The following NLRP12 variants were observed in gnomAD, a reference collection of about 807,000 sequenced individuals.
NLRP12 encodes the protein NACHT, LRR and PYD domains-containing protein 12.
A neutral mutation model predicts 91.2 loss-of-function variants in NLRP12; 108 were observed. The ratio of observed to expected loss-of-function variants is 1.18; its 90% CI spans 1.01 to 1.39. NLRP12 has a LOEUF of 1.39. Among genes scored for constraint, NLRP12 ranks in the 40% most tolerant of loss-of-function variants. The pLI, the probability that NLRP12 is intolerant of heterozygous loss-of-function variation, is 0.00. For missense variants in NLRP12, 1,530 were observed against 1,352.7 expected (o/e 1.13, Z -2.06); for synonymous variants, 613 against 566.7 (o/e 1.08, Z -1.16).
In NLRP12 at chr19:53,809,824, T is replaced by A. The variant is rs762705582; in HGVS notation, c.1835A>T (p.Glu612Val). The change falls in exon 3 of 10, where the codon GAG (glutamate) becomes GTG (valine). Residue 612 changes from glutamate to valine, a missense_variant. By Grantham distance (121) the Glu-to-Val change is moderately radical. Transcript: ENST00000324134. ...GATCTCGTACAAGCAGCTGAAGAAC[T>A]CCAAGGAGCCCTGCTGCAGGGTGGA... The part of the protein sequence containing the change: ...DGSTLQQGSL[E>V]FFSCLYEIQE... 1 of 1,614,094 alleles carries A rather than the reference T, an allele frequency of 6.2e-7. No individual in the cohort carries two copies. The highest frequency in any genetic ancestry group is 1.1e-5 in the South Asian group (1 of 91,084).
chr19:53,818,443 G>T (rs565321336), intron 1 of NLRP12, among the ~76,000 whole-genome samples: 5 of 152,148 alleles, frequency 3.3e-5, no homozygotes, highest in Non-Finnish European at 7.4e-5. Context: ...TGAGGTGGGT[G>T]GATCATGAGG....
At chr19:53,807,372 G>A in intron 4 of NLRP12, 123 bp downstream of exon 4, 1 of 990,128 alleles carries the variant, frequency 1.0e-6, no homozygotes, top group Non-Finnish European at 1.5e-6. Flanking sequence ...CTGGCTTTGT[G>A]ACACTTTTTT....
At chr19:53,811,410 A>G in intron 2 of NLRP12, 122 bp from the exon 3 acceptor site, 2 of 1,126,042 alleles carry the variant, frequency 1.8e-6, no homozygotes, top group South Asian at 2.5e-5. Context: ...GCTACTCAGG[A>G]GGCTGAGATG....
intron 3 of NLRP12, 31 bp from the exon 4 acceptor site, chr19:53,807,696 G>GT (rs1568672250): frequency 3.7e-6 from 6 of 1,612,912 alleles, no homozygotes; most frequent in Non-Finnish European, 5.1e-6. Context: ...CCACTCTCTG[G>GT]TGTTACTGGT....
chr19:53,815,223 G>GTATT (rs1568688519), intron 1 of NLRP12, among the ~76,000 whole-genome samples: 1 of 94,848 alleles, frequency 1.1e-5, no homozygotes, highest in South Asian at 3.7e-4. Flanking sequence ...CATCCAATCA[G>GTATT]TCTTTTTTTT....
At chr19:53,801,187 G>A (rs751133156) in intron 7 of NLRP12, 40 bp downstream of exon 7, 6 of 1,600,580 alleles carry the variant, frequency 3.7e-6, no homozygotes, top group Non-Finnish European at 5.1e-6. Context: ...CTGCGTTCAT[G>A]GATTGGGACT....
At chr19:53,798,556 G>T in intron 7 of NLRP12, 143 bp from the exon 8 acceptor site, 3 of 806,068 alleles carry the variant, frequency 3.7e-6, no homozygotes, top group Non-Finnish European at 6.2e-6. Flanking sequence ...AGAAAAAGAC[G>T]ACAGAAGTAG....
In NLRP12 at chr19:53,806,864, T is replaced by TA. The variant is rs1295399137; in HGVS notation, c.2243+630_2243+631insT. Among the ~76,000 whole-genome samples, 742 of 84,118 alleles carry TA rather than the reference T, an allele frequency of 8.8e-3. 1 individual carries two copies. The highest frequency in any genetic ancestry group is 0.015 in the Non-Finnish European group (529 of 34,794). The allele number at this position is 84,118 out of a possible 152,430, so 55.2% of individuals were successfully genotyped here. A position where few individuals can be genotyped will look rare whatever the true frequency, so the allele number is the denominator to read the frequency against. On this transcript the variant is annotated intron_variant, in intron 4 of 9. Coordinates refer to ENST00000324134, the MANE Select transcript of NLRP12 (RefSeq NM_144687.4). Reference sequence around the variant, plus strand: ...CAGAGCATATCAGTGTCTCAAAAATTTAAAAAAAAAAAAAGTAAAAAAAAG... The same window carrying TA: ...CAGAGCATATCAGTGTCTCAAAAATTATAAAAAAAAAAAAAGTAAAAAAAAG...
chr19:53,814,125 C>G (rs2092121700), intron 2 of NLRP12, among the ~76,000 whole-genome samples: 1 of 152,144 alleles, frequency 6.6e-6, no homozygotes, highest in Admixed American at 6.6e-5. Flanking sequence ...GCCAGCAAAC[C>G]TGATTCTGTT....
intron 1 of NLRP12, among the ~76,000 whole-genome samples, chr19:53,819,588 T>G (rs2092230012): frequency 1.7e-5 from 1 of 57,994 alleles, no homozygotes; most frequent in Non-Finnish European, 3.8e-5. Context: ...TATGTATGTA[T>G]ACGTATATAC....
intron 7 of NLRP12, 85 bp downstream of exon 7, chr19:53,801,142 A>G: frequency 1.6e-6 from 2 of 1,261,256 alleles, no homozygotes; most frequent in Non-Finnish European, 2.3e-6. Flanking sequence ...TTAGGAGCAG[A>G]GACAACCTGG....
At chr19:53,821,202 ATTT>A (rs1167042696) in intron 1 of NLRP12, among the ~76,000 whole-genome samples, 1 of 151,266 alleles carries the variant, frequency 6.6e-6, no homozygotes, top group Non-Finnish European at 1.5e-5. Flanking sequence ...CACCCGGCTA[ATTT>A]TTTTGTATTT....
At chr19:53,803,912 A>G (rs2091913173) in intron 6 of NLRP12, 40 bp downstream of exon 6, 1 of 1,592,444 alleles carries the variant, frequency 6.3e-7, no homozygotes, top group Non-Finnish European at 8.6e-7. Context: ...ATATGAAGAG[A>G]TTTGCCATTT....
At chr19:53,816,470 T>C (rs549261494) in intron 1 of NLRP12, among the ~76,000 whole-genome samples, 1 of 152,178 alleles carries the variant, frequency 6.6e-6, no homozygotes, top group Admixed American at 6.6e-5. Flanking sequence ...CTGTTGTCTT[T>C]CCTCTGTTCA....
At chr19:53,823,264 T>TTA (rs965815791) in intron 1 of NLRP12, among the ~76,000 whole-genome samples, 1 of 140,540 alleles carries the variant, frequency 7.1e-6, no homozygotes, top group African/African-American at 2.6e-5. Flanking sequence ...TATTTATTAT[T>TTA]TATATATATT....
Position 53,819,451 on chromosome 19 carries a change from A to ATGTGTG in NLRP12, c.289+4434_289+4435insCACACA, listed in dbSNP as rs1463710304. Among the ~76,000 whole-genome samples the ATGTGTG allele has an allele frequency of 2.1e-3, 23 of 10,720 alleles. 4 individuals are homozygous for ATGTGTG. Among genetic ancestry groups the ATGTGTG allele is most frequent in the Non-Finnish European group, 4.0e-3 (18 of 4,490 alleles). The allele number at this position is 10,720 out of a possible 152,430, so 7.0% of individuals were successfully genotyped here. Reference sequence around the variant, plus strand: ...TATATATATATATATATATATATATATATATATGTGTGTGTGTGTGTGTGT... The same window carrying ATGTGTG: ...TATATATATATATATATATATATATATGTGTGTATATATGTGTGTGTGTGTGTGTGT... On this transcript the variant is annotated intron_variant, in intron 1 of 9. Coordinates refer to ENST00000324134, the MANE Select transcript of NLRP12 (RefSeq NM_144687.4).
chr19:53,810,158 G>A lies in NLRP12; in HGVS notation c.1501C>T (p.Gln501Ter). The A allele has an allele frequency of 1.9e-6, 3 of 1,614,182 alleles. No individual in the cohort carries two copies. Among genetic ancestry groups the A allele is most frequent in the Non-Finnish European group, 2.5e-6 (3 of 1,180,032 alleles). ...VSAFLNMNIF[Q>*]KDINCERYYS... ...TACCTCTCACAGTTGATGTCCTTCT[G>A]GAAGATGTTCATGTTGAGGAAGGCA... The change falls in exon 3 of 10, where the codon CAG becomes TAG. Residue 501 changes from glutamine to a stop codon, truncating the protein, a stop_gained. Transcript: ENST00000324134. LOFTEE classifies it high-confidence loss of function.
At chr19:53,805,244 G>A in intron 5 of NLRP12, 36 bp downstream of exon 5, 1 of 1,594,812 alleles carries the variant, frequency 6.3e-7, no homozygotes, top group Non-Finnish European at 8.6e-7. Flanking sequence ...AGGAGACAAT[G>A]AGCTTAAGAA....
chr19:53,807,914 T>C (rs1218930353), intron 3 of NLRP12: 15 of 462,040 alleles, frequency 3.2e-5, no homozygotes, highest in Non-Finnish European at 5.4e-5. Flanking sequence ...CCACGCCCAG[T>C]TAATTTTGTA....
Sources: allele counts gnomAD v4.1 joint callset (sites outside exome capture counted in the v4.1 genomes callset), GRCh38; gene constraint gnomAD v4.1.1; transcripts MANE v1.5; gene names NCBI Gene and HGNC (gene_info 2026-07-23, HGNC 2026-07-21).